IL1RAPL2: variants seen among roughly 807,000 people sequenced by gnomAD.
IL1RAPL2 encodes interleukin 1 receptor accessory protein like 2, also known as X-linked interleukin-1 receptor accessory protein-like 2.
IL1RAPL2 carries 3 observed loss-of-function variants against 44.1 expected under a neutral mutation model. The observed-to-expected ratio is 0.07, with a 90% CI of 0.03 to 0.18. The LOEUF (loss-of-function observed/expected upper bound fraction) is 0.18. Among genes scored for constraint, IL1RAPL2 ranks in the 10% least tolerant of loss-of-function variants. The pLI is 1.00. For missense variants in IL1RAPL2, 391 were observed against 496.4 expected (o/e 0.79, Z 2.02); for synonymous variants, 181 against 178.8 (o/e 1.01, Z -0.10).
Position 105,399,850 on chromosome X carries a change from CT to C in IL1RAPL2, c.698-84462del, listed in dbSNP as rs201116723. Among the ~76,000 whole-genome samples, 713 of 111,237 alleles carry C rather than the reference CT, an allele frequency of 6.4e-3. 6 individuals are homozygous for C. The highest frequency in any genetic ancestry group is 0.022 in the African/African-American group (669 of 30,714). On this transcript the variant is annotated intron_variant, in intron 5 of 10. Coordinates refer to ENST00000372582, the MANE Select transcript of IL1RAPL2 (RefSeq NM_017416.2). ...CACACAAATAAGTATAAAATTACAC[CT>C]GTGGTGTCTTGAATGAGAGGTACAC...
chrX:105,044,026 A>G (rs373331127), intron 2 of IL1RAPL2, among the ~76,000 whole-genome samples: 1 of 111,890 alleles, frequency 8.9e-6, no homozygotes, highest in Non-Finnish European at 1.9e-5. Flanking sequence ...AGAAAACACA[A>G]CAGTCTTAGA....
intron 2 of IL1RAPL2, among the ~76,000 whole-genome samples, chrX:105,063,259 A>G (rs566187485): frequency 2.7e-5 from 3 of 112,320 alleles, no homozygotes; most frequent in South Asian, 3.7e-4. Flanking sequence ...GAATTTTTCT[A>G]TTATTTTAAT....
chrX:105,520,328 G>C (rs1354370204), intron 6 of IL1RAPL2, among the ~76,000 whole-genome samples: 2 of 111,807 alleles, frequency 1.8e-5, no homozygotes, highest in African/African-American at 6.5e-5. Context: ...CACATACTCA[G>C]GTGATTTTCA....
chrX:105,170,002 A>T (rs2033409622), intron 2 of IL1RAPL2, among the ~76,000 whole-genome samples: 1 of 110,631 alleles, frequency 9.0e-6, no homozygotes, highest in Non-Finnish European at 1.9e-5. Flanking sequence ...CAAGGTGTCC[A>T]TCTCAGGTAC....
At chrX:105,760,805 CTG>C (rs1179544291) in intron 10 of IL1RAPL2, among the ~76,000 whole-genome samples, 2 of 112,038 alleles carry the variant, frequency 1.8e-5, no homozygotes, top group African/African-American at 6.5e-5. Context: ...GCTCAGCTAA[CTG>C]TGAATTATCA....
At chrX:105,481,036 G>A (rs2036229708) in intron 5 of IL1RAPL2, among the ~76,000 whole-genome samples, 1 of 112,026 alleles carries the variant, frequency 8.9e-6, no homozygotes. Context: ...GGGGGAAAAG[G>A]TGTATATGTG....
chrX:104,620,495 C>A (rs1451136803), intron 1 of IL1RAPL2, among the ~76,000 whole-genome samples: 1 of 106,634 alleles, frequency 9.4e-6, no homozygotes, highest in African/African-American at 3.4e-5. Flanking sequence ...AAAAGATTAG[C>A]GGGGCATGGT....
intron 5 of IL1RAPL2, among the ~76,000 whole-genome samples, chrX:105,290,173 C>T (rs762407923): frequency 9.0e-6 from 1 of 111,487 alleles, no homozygotes; most frequent in Non-Finnish European, 1.9e-5. Context: ...CACTCCTTTA[C>T]ATAGAATTTA....
In IL1RAPL2 at chrX:105,312,263, A is replaced by C. The variant is rs2034803963; in HGVS notation, c.697+44722A>C. Among the ~76,000 whole-genome samples the C allele has an allele frequency of 2.7e-5, 3 of 112,192 alleles. No individual in the cohort carries two copies. The Admixed American group carries it at 2.8e-4, about 11-fold the overall frequency. On this transcript the variant is annotated intron_variant, in intron 5 of 10. Coordinates refer to ENST00000372582, the MANE Select transcript of IL1RAPL2 (RefSeq NM_017416.2). ...AAACATGAAATAAAAATCCACAATT[A>C]GCTGAAGCAGCAAGATGCAGCCTAT...
chrX:105,327,542 A>G (rs995178730), intron 5 of IL1RAPL2, among the ~76,000 whole-genome samples: 2 of 111,781 alleles, frequency 1.8e-5, no homozygotes, highest in Admixed American at 9.5e-5. Flanking sequence ...TGACCTCAAC[A>G]ATACTGATTA....
chrX:105,115,782 G>C (rs1455364056), intron 2 of IL1RAPL2, among the ~76,000 whole-genome samples: 1 of 112,994 alleles, frequency 8.9e-6, no homozygotes, highest in Admixed American at 9.2e-5. Context: ...TGATGGGACT[G>C]GGCGCCCTGG....
chrX:104,669,807 C>A (rs1292639230), intron 2 of IL1RAPL2, among the ~76,000 whole-genome samples: 1 of 111,907 alleles, frequency 8.9e-6, no homozygotes, highest in Admixed American at 9.5e-5. Flanking sequence ...GGCTGTCCCA[C>A]AGGCACTTTG....
In IL1RAPL2 at chrX:105,477,944, T is replaced by C. The variant is rs969880182; in HGVS notation, c.698-6369T>C. On this transcript the variant is annotated intron_variant, in intron 5 of 10. Coordinates refer to ENST00000372582, the MANE Select transcript of IL1RAPL2 (RefSeq NM_017416.2). ...GAGAAGTATTTGGCATAAAATATTA[T>C]TGTTTTAATTAATAAAATTGTGTTT... is the stretch of plus-strand genomic sequence containing the variant. Among the ~76,000 whole-genome samples, 3 of 111,426 alleles carry C rather than the reference T, an allele frequency of 2.7e-5. No individual in the cohort carries two copies. The South Asian group carries it at 1.1e-3, about 42-fold the overall frequency.
chrX:105,488,205 A>C (rs1218487813), intron 6 of IL1RAPL2, among the ~76,000 whole-genome samples: 1 of 112,079 alleles, frequency 8.9e-6, no homozygotes, highest in African/African-American at 3.2e-5. Context: ...ACACTTGACC[A>C]ATAGGGTGTG....
At chrX:105,035,180 C>G (rs2031605244) in intron 2 of IL1RAPL2, among the ~76,000 whole-genome samples, 1 of 111,892 alleles carries the variant, frequency 8.9e-6, no homozygotes, top group Admixed American at 9.4e-5. Context: ...TCCCTGACCC[C>G]TTGCACTTCC....
intron 2 of IL1RAPL2, among the ~76,000 whole-genome samples, chrX:105,152,199 G>A (rs2033233707): frequency 9.0e-6 from 1 of 111,352 alleles, no homozygotes; most frequent in Non-Finnish European, 1.9e-5. Flanking sequence ...TGGGCAATAT[G>A]ATTACACGAA....
intron 2 of IL1RAPL2, among the ~76,000 whole-genome samples, chrX:104,800,984 C>A (rs923465750): frequency 8.9e-6 from 1 of 112,868 alleles, no homozygotes; most frequent in Admixed American, 9.3e-5. Context: ...ACCAGCTAAT[C>A]TGTTCCTAGG....
At chrX:104,918,007 C>T (rs767417288) in intron 2 of IL1RAPL2, among the ~76,000 whole-genome samples, 4 of 109,533 alleles carry the variant, frequency 3.7e-5, no homozygotes, top group Non-Finnish European at 5.7e-5. Context: ...GTAATAATAC[C>T]AGAGAAGATT....
At chrX:105,368,303 A>G (rs1191132978) in intron 5 of IL1RAPL2, among the ~76,000 whole-genome samples, 14 of 111,500 alleles carry the variant, frequency 1.3e-4, no homozygotes, top group African/African-American at 3.6e-4. Context: ...GCTTTCTGCC[A>G]TAAGTGGAAG....
Sources: gnomAD v4.1 joint callset for allele counts (sites outside exome capture counted in the v4.1 genomes callset) on GRCh38, gnomAD v4.1.1 for gene constraint, MANE v1.5 for transcripts, NCBI Gene and HGNC (gene_info 2026-07-23, HGNC 2026-07-21) for gene names.